Variants in HNRNPD observed in about 807,000 individuals in gnomAD.
HNRNPD encodes the protein heterogeneous nuclear ribonucleoprotein D0.
In HNRNPD, 3 loss-of-function variants were observed where a neutral mutation model predicts 47.9. The ratio of observed to expected loss-of-function variants is 0.06; its 90% CI spans 0.03 to 0.16. The LOEUF (loss-of-function observed/expected upper bound fraction) is 0.16. Ranked by LOEUF, HNRNPD falls within the 10% of genes least tolerant of loss-of-function variation. The pLI, the probability that HNRNPD is intolerant of heterozygous loss-of-function variation, is 1.00. For synonymous variants in HNRNPD, 171 were observed against 165.1 expected, an observed-to-expected ratio of 1.04 and a Z score of -0.28; for missense variants, 287 against 454.2, an observed-to-expected ratio of 0.63 and a Z score of 3.35.
At chr4:82,363,030 A>ATG (rs753865029) in intron 2 of HNRNPD, among the ~76,000 whole-genome samples, 90 of 123,422 alleles carry the variant, frequency 7.3e-4, no homozygotes, top group Non-Finnish European at 1.1e-3. Flanking sequence ...TTTTATATAT[A>ATG]TATGTGTGTG....
chr4:82,373,322 G>A (rs929184482), intron 1 of HNRNPD, 124 bp downstream of exon 1: 70 of 1,301,516 alleles, frequency 5.4e-5, no homozygotes, highest in Non-Finnish European at 7.0e-5. Context: ...GGAGACCAGT[G>A]CAAGGAGGCT....
At chr4:82,373,080 A>G (rs1253495543) in intron 1 of HNRNPD, 2 of 484,700 alleles carry the variant, frequency 4.1e-6, no homozygotes, top group African/African-American at 2.0e-5. Flanking sequence ...CTGTAGAAAA[A>G]GGGAAAAAGA....
At chr4:82,358,920 A>G in intron 3 of HNRNPD, 100 bp from the exon 4 acceptor site, 1 of 877,796 alleles carries the variant, frequency 1.1e-6, no homozygotes, top group East Asian at 2.7e-5. Context: ...GATAATGCCA[A>G]GCATATGTTG....
intron 3 of HNRNPD, among the ~76,000 whole-genome samples, chr4:82,359,108 C>A (rs1158123133): frequency 1.3e-5 from 2 of 152,008 alleles, no homozygotes; most frequent in Non-Finnish European, 1.5e-5. Context: ...TATATACAAA[C>A]ATAACTGCTA....
intron 4 of HNRNPD, 76 bp downstream of exon 4, chr4:82,358,583 G>T: frequency 7.5e-7 from 1 of 1,337,496 alleles, no homozygotes; most frequent in South Asian, 1.4e-5. Context: ...AAAGCCAAGT[G>T]ACTCTGAGTC....
At chr4:82,367,096 C>A (rs79929170) in intron 2 of HNRNPD, among the ~76,000 whole-genome samples, 2,333 of 149,136 alleles carry the variant, frequency 0.016, 67 homozygotes, top group African/African-American at 0.055. Context: ...GAAATCCTGG[C>A]ATGAAATGAT....
At chr4:82,365,835 G>A (rs926919786) in intron 2 of HNRNPD, among the ~76,000 whole-genome samples, 2 of 141,634 alleles carry the variant, frequency 1.4e-5, no homozygotes, top group Non-Finnish European at 3.0e-5. Flanking sequence ...GGCTGGTCTG[G>A]AACTCCTGGG....
At chr4:82,360,537 C>T (rs1723920083) in intron 2 of HNRNPD, among the ~76,000 whole-genome samples, 1 of 152,042 alleles carries the variant, frequency 6.6e-6, no homozygotes, top group African/African-American at 2.4e-5. Context: ...TTTAAAAAGA[C>T]AGGACTGGAG....
At chr4:82,366,764 T>C (rs1264696866) in intron 2 of HNRNPD, among the ~76,000 whole-genome samples, 1 of 151,790 alleles carries the variant, frequency 6.6e-6, no homozygotes. Context: ...TTTCGCCATG[T>C]TGGCCAGGCT....
In HNRNPD at chr4:82,373,531, C is replaced by G; in HGVS notation, c.148G>C (p.Gly50Arg). The G allele has an allele frequency of 6.5e-7, 1 of 1,541,968 alleles. No individual in the cohort carries two copies. The highest frequency in any genetic ancestry group is 8.7e-7 in the Non-Finnish European group (1 of 1,143,440). Residue 50 changes from glycine to arginine, a missense_variant, in exon 1 of 9, where the codon GGA becomes CGA. Gly to Arg is a moderately radical substitution (Grantham distance 125). Around this residue, in one of 5 missense-constraint regions of HNRNPD, gnomAD observed 161 missense variants for 137.1 expected, o/e 1.17. Coordinates refer to ENST00000313899, the MANE Select transcript of HNRNPD (RefSeq NM_031370.3). ...AAGSGAGTGG[G>R]TASGGTEGGS... ...CCTTCGGTGCCTCCAGACGCGGTTCCGCCCCCGGTCCCGGCTCCGCTTCCC... is the reference window on the plus strand; with the variant it reads ...CCTTCGGTGCCTCCAGACGCGGTTCGGCCCCCGGTCCCGGCTCCGCTTCCC...
At chr4:82,355,051 T>C (rs1723657960) in intron 8 of HNRNPD, 2 of 470,358 alleles carry the variant, frequency 4.3e-6, no homozygotes, top group Non-Finnish European at 7.6e-6. Context: ...GCAATACTTT[T>C]TTGCTGCAAT....
At chr4:82,362,655 C>T (rs1374816536) in intron 2 of HNRNPD, among the ~76,000 whole-genome samples, 4 of 151,858 alleles carry the variant, frequency 2.6e-5, no homozygotes, top group Non-Finnish European at 5.9e-5. Flanking sequence ...CAAGCTGGAG[C>T]GCAGTGGCAC....
intron 1 of HNRNPD, 194 bp downstream of exon 1, chr4:82,373,252 G>T: frequency 1.3e-6 from 1 of 768,970 alleles, no homozygotes; most frequent in Non-Finnish European, 2.2e-6. Context: ...GGGGGAGGGG[G>T]GCGATAAGCA....
chr4:82,368,274 T>A (rs1719864670), intron 2 of HNRNPD, among the ~76,000 whole-genome samples: 1 of 152,176 alleles, frequency 6.6e-6, no homozygotes. Flanking sequence ...AAATGTATAC[T>A]CAATAGTATA....
chr4:82,359,300 G>A (rs982076452), intron 3 of HNRNPD, among the ~76,000 whole-genome samples, 171 bp downstream of exon 3: 3 of 152,058 alleles, frequency 2.0e-5, no homozygotes, highest in African/African-American at 7.2e-5. Flanking sequence ...AATTATTCAG[G>A]AAATAATTCC....
chr4:82,363,876 A>T (rs1719612764), intron 2 of HNRNPD, among the ~76,000 whole-genome samples: 1 of 152,246 alleles, frequency 6.6e-6, no homozygotes, highest in African/African-American at 2.4e-5. Flanking sequence ...AGTGATATGC[A>T]GTATCATTCA....
At position 82,369,699 on chromosome 4, in the gene HNRNPD, A is replaced by AAG. The variant is rs1055887513; in HGVS notation, c.290+1827_290+1828dup. Among the ~76,000 whole-genome samples the AAG allele has an allele frequency of 5.3e-5, 8 of 151,986 alleles. No homozygotes were observed. In the East Asian group the frequency reaches 5.8e-4, roughly 11 times the overall value. On this transcript the variant is annotated intron_variant, in intron 2 of 8. Transcript: ENST00000313899. Reference sequence around the variant, plus strand: ...GGAGTGCAGACACCAAAAAAAAAAAAAGAGAGAGAAAAAAGTCTGAAAGTT... The same window carrying AAG: ...GGAGTGCAGACACCAAAAAAAAAAAAAGAGAGAGAGAAAAAAGTCTGAAAGTT...
At chr4:82,356,966 C>T in intron 5 of HNRNPD, 71 bp from the exon 6 acceptor site, 1 of 1,261,542 alleles carries the variant, frequency 7.9e-7, no homozygotes, top group Non-Finnish European at 1.2e-6. Context: ...TTCTAATAAC[C>T]AGAATAGCCA....
At chr4:82,366,375 A>T (rs1352622861) in intron 2 of HNRNPD, among the ~76,000 whole-genome samples, 1 of 150,618 alleles carries the variant, frequency 6.6e-6, no homozygotes, top group African/African-American at 2.4e-5. Flanking sequence ...TCCCAAGTAG[A>T]TGGGACTACA....
Sources: gnomAD v4.1 joint callset for allele counts (sites outside exome capture counted in the v4.1 genomes callset) on GRCh38, gnomAD v4.1.1 for gene constraint, gnomAD v4.1.1 regional missense constraint, MANE v1.5 for transcripts, NCBI Gene and HGNC (gene_info 2026-07-23, HGNC 2026-07-21) for gene names.